Variants in PREX1 observed in about 807,000 individuals in gnomAD.
The protein encoded by PREX1 is phosphatidylinositol 3,4,5-trisphosphate-dependent Rac exchanger 1 protein.
In PREX1, 41 loss-of-function variants were observed where a neutral mutation model predicts 198.3. The observed-to-expected ratio is 0.21, with a 90% confidence interval of 0.16 to 0.27. The LOEUF is 0.27. Ranked by LOEUF, PREX1 falls within the 10% of genes least tolerant of loss-of-function variation. PREX1 has a pLI of 1.00. For missense variants in PREX1, 1,620 were observed against 2,200.7 expected, an observed-to-expected ratio of 0.74 and a Z score of 5.28; for synonymous variants, 843 against 887.2, an observed-to-expected ratio of 0.95 and a Z score of 0.89.
intron 14 of PREX1, among the ~76,000 whole-genome samples, chr20:48,671,689 G>C (rs2089676355): frequency 6.6e-6 from 1 of 152,098 alleles, no homozygotes; most frequent in Non-Finnish European, 1.5e-5. Context: ...AATCAAGACG[G>C]GCTGTAACCA....
chr20:48,648,230 C>A (rs1043323593), intron 25 of PREX1, among the ~76,000 whole-genome samples: 2 of 152,164 alleles, frequency 1.3e-5, no homozygotes, highest in African/African-American at 4.8e-5. Flanking sequence ...AAAACAAGTC[C>A]AAGATAACAC....
the PREX1 span, among the ~76,000 whole-genome samples, chr20:48,885,600 C>T: frequency 5.3e-5 from 8 of 152,140 alleles, no homozygotes; most frequent in South Asian, 4.1e-4. Flanking sequence ...AAAACCTGTA[C>T]ATCATGTTTA....
At chr20:48,657,833 CTG>C (rs1052489013) in intron 17 of PREX1, among the ~76,000 whole-genome samples, 26 of 152,232 alleles carry the variant, frequency 1.7e-4, no homozygotes, top group Admixed American at 1.4e-3. Flanking sequence ...ATTCAAGCCA[CTG>C]TGACTGGTTG....
chr20:48,850,486 GAGGGAC>G, the PREX1 span, among the ~76,000 whole-genome samples: 35 of 152,294 alleles, frequency 2.3e-4, no homozygotes, highest in South Asian at 4.4e-3. Flanking sequence ...GCCAGCTTCA[GAGGGAC>G]AGGGACAGGG....
At chr20:48,887,545 G>A in the PREX1 span, among the ~76,000 whole-genome samples, 1 of 152,182 alleles carries the variant, frequency 6.6e-6, no homozygotes, top group South Asian at 2.1e-4. Context: ...GCTTGAGCCC[G>A]GGAAGCAGAG....
chr20:48,828,000 G>T (rs2090518190), upstream of PREX1: 2 of 192,218 alleles, frequency 1.0e-5, no homozygotes, highest in South Asian at 3.2e-4. This position sits in a 1 kb window ranked among gnomAD's most constrained non-coding sequence, Gnocchi z 4.1. Context: ...GGGCGGGACT[G>T]GGGGCCGGGC....
chr20:48,809,090 T>C (rs1402045559), intron 1 of PREX1, among the ~76,000 whole-genome samples: 1 of 152,156 alleles, frequency 6.6e-6, no homozygotes, highest in African/African-American at 2.4e-5. Context: ...GGGGCTATGT[T>C]GCTTGGAAAG....
At chr20:48,678,595 A>C (rs2089725562) in intron 13 of PREX1, among the ~76,000 whole-genome samples, 1 of 152,238 alleles carries the variant, frequency 6.6e-6, no homozygotes, top group East Asian at 1.9e-4. Context: ...GGAGGGACCC[A>C]GTGGGAAACT....
chr20:48,666,396 T>C lies in PREX1; in HGVS notation c.1666-41A>G, dbSNP rs2089640790. The C allele has an allele frequency of 6.6e-7, 1 of 1,506,812 alleles. No homozygotes were observed. Among genetic ancestry groups the C allele is most frequent in the East Asian group, 2.5e-5 (1 of 40,722 alleles). 93.3% of individuals were successfully genotyped at this position (1,506,812 alleles called of 1,614,324 possible). A position where few individuals can be genotyped will look rare whatever the true frequency, so the allele number is the denominator to read the frequency against. On this transcript the variant is annotated intron_variant, in intron 14 of 39. Transcript: ENST00000371941. This position sits in a 1 kb window ranked among gnomAD's most constrained non-coding sequence, Gnocchi z 4.3. The stretch of plus-strand genomic sequence containing the variant: ...AAGGGGAGGGTGTTAGGTGGCAGCA[T>C]CCGAGAGGCCATGCATGGCCAACGA...
intron 1 of PREX1, among the ~76,000 whole-genome samples, chr20:48,771,084 G>A (rs1490297539): frequency 6.6e-6 from 1 of 152,008 alleles, no homozygotes. Flanking sequence ...CACACATTCT[G>A]ACAGTGCCCA....
rs1313697587 is a variant in PREX1 at position 48,645,922 on chromosome 20, C to T, written c.3441G>A (p.Val1147=). The T allele has an allele frequency of 1.2e-6, 2 of 1,614,098 alleles. No homozygotes were observed. Among genetic ancestry groups the T allele is most frequent in the African/African-American group, 2.7e-5 (2 of 74,932 alleles). Residue 1147 remains valine (V), a synonymous_variant, in exon 26 of 40, where the codon GTG becomes GTA. Coordinates refer to ENST00000371941, the MANE Select transcript of PREX1 (RefSeq NM_020820.4). ...GGTCCTCCTCGGCCACCTTGAAGCA[C>T]ACCTTCTTGATGCCCCCATGGTCAC... ...DRSDHGGIKK[V]CFKVAEEDQE... is the part of the protein sequence containing the mutation.
At chr20:48,877,657 T>C in the PREX1 span, among the ~76,000 whole-genome samples, 1 of 152,234 alleles carries the variant, frequency 6.6e-6, no homozygotes, top group Non-Finnish European at 1.5e-5. Context: ...TTTGTTACAT[T>C]AATAAATACG....
At chr20:48,716,267 A>C (rs767812767) in intron 5 of PREX1, among the ~76,000 whole-genome samples, 2 of 152,172 alleles carry the variant, frequency 1.3e-5, no homozygotes, top group Admixed American at 6.5e-5. Context: ...GGCGCAGAGA[A>C]GCCTGGGCTT....
At chr20:48,857,835 C>T in the PREX1 span, among the ~76,000 whole-genome samples, 10 of 152,238 alleles carry the variant, frequency 6.6e-5, no homozygotes, top group African/African-American at 2.4e-4. Context: ...TGAAGGGTCC[C>T]GGGGGAGTTT....
intron 1 of PREX1, among the ~76,000 whole-genome samples, chr20:48,799,672 A>G (rs1232202821): frequency 1.3e-5 from 2 of 152,048 alleles, no homozygotes; most frequent in East Asian, 3.9e-4. Flanking sequence ...TTCCAGCCCC[A>G]TTTTAGATAG....
At position 48,827,434 on chromosome 20, in the gene PREX1, C is replaced by A. The variant is rs1201994024; in HGVS notation, c.219+208G>T. Among the ~76,000 whole-genome samples the A allele has an allele frequency of 6.6e-6, 1 of 152,132 alleles. No individual in the cohort carries two copies. The highest frequency in any genetic ancestry group is 1.5e-5 in the Non-Finnish European group (1 of 68,004). On this transcript the variant is annotated intron_variant, in intron 1 of 39. Transcript: ENST00000371941. The surrounding 1 kb of genome is among the most constrained non-coding windows in gnomAD (Gnocchi z 4.1). ...GGGGAAGTGGAGTGCGGGAGAGCCC[C>A]GGTCGGAGCAGGACCGTGCGCCGGC...
At chr20:48,668,743 G>C (rs891512677) in intron 14 of PREX1, among the ~76,000 whole-genome samples, 1 of 152,196 alleles carries the variant, frequency 6.6e-6, no homozygotes, top group Admixed American at 6.5e-5. Context: ...AGTAGCTGGA[G>C]GGCCTGCGGG....
chr20:48,846,183 A>C, the PREX1 span, among the ~76,000 whole-genome samples: 2 of 152,196 alleles, frequency 1.3e-5, no homozygotes, highest in African/African-American at 4.8e-5. Context: ...CAATAAATCA[A>C]AGCCTGGCCT....
At chr20:48,871,975 T>C in the PREX1 span, among the ~76,000 whole-genome samples, 2 of 151,632 alleles carry the variant, frequency 1.3e-5, no homozygotes, top group Non-Finnish European at 2.9e-5. Context: ...CTGGCTAACA[T>C]GGTGAAACCC....
Sources: gnomAD v4.1 joint callset for allele counts (sites outside exome capture counted in the v4.1 genomes callset) on GRCh38, gnomAD v4.1.1 for gene constraint, Gnocchi (gnomAD v3.1) non-coding constraint, MANE v1.5 for transcripts, NCBI Gene and HGNC (gene_info 2026-07-23, HGNC 2026-07-21) for gene names.